Variants in MYH7 observed in about 807,000 individuals in gnomAD.
MYH7 encodes myosin-7.
MYH7 carries 129 observed loss-of-function variants against 225.4 expected under a neutral mutation model. That is an observed-to-expected ratio of 0.57 (90% CI 0.50 to 0.66). The LOEUF (loss-of-function observed/expected upper bound fraction) is 0.66, where lower values mean the gene tolerates loss of function less well. Among genes scored for constraint, MYH7 ranks in the 30% least tolerant of loss-of-function variants. The probability of loss-of-function intolerance (pLI) is 0.00; values close to 1 mark genes in which losing one functional copy is unlikely to be tolerated. For synonymous variants in MYH7, 971 were observed against 1,007.6 expected (o/e 0.96, Z 0.69); for missense variants, 1,649 against 2,517.0 (o/e 0.66, Z 7.38).
chr14:23,414,874 C>A, intron 37 of MYH7, 121 bp downstream of exon 37: 1 of 1,538,598 alleles, frequency 6.5e-7, no homozygotes, highest in Non-Finnish European at 8.9e-7. Flanking sequence ...CAAAGTGAAA[C>A]GGGGGCTGCA....
chr14:23,427,731 T>A lies in MYH7; in HGVS notation c.1742A>T (p.His581Leu). ...GKPEAHFSLI[H>L]YAGIVDYNII... ...GTTGTAGTCCACGATGCCGGCATAG[T>A]GGATCAGGGAGAAGTGGGCTTCAGG... Residue 581 changes from histidine to leucine, a missense_variant, in exon 16 of 40, where the codon CAC becomes CTC. Physicochemically the swap from His to Leu is moderately conservative, Grantham distance 99. Transcript: ENST00000355349. The A allele has an allele frequency of 6.2e-7, 1 of 1,614,162 alleles. No individual in the cohort carries two copies. The highest frequency in any genetic ancestry group is 1.1e-5 in the South Asian group (1 of 91,086).
rs779978846 is a variant in MYH7, at chr14:23,415,773, G to C, written c.5013C>G (p.Ile1671Met). Residue 1671 changes from isoleucine (I) to methionine (M), a missense_variant, in exon 35 of 40, where the codon ATC (isoleucine) becomes ATG (methionine). This residue lies in a region of MYH7 where 687 missense variants were observed against 913.8 expected (regional missense o/e 0.75). Coordinates refer to ENST00000355349, the MANE Select transcript of MYH7 (RefSeq NM_000257.4). This position sits in a 1 kb window ranked among gnomAD's most constrained non-coding sequence, Gnocchi z 6.3. ...GGTTGTTGCGCCGCTCCACGATGGC[G>C]ATGTTCTCCTTCAGGTCGTCGTTGG... Reference protein sequence around the residue: ...VRANDDLKENIAIVERRNNLL... With the variant: ...VRANDDLKENMAIVERRNNLL... 4 of 1,614,102 alleles carry C rather than the reference G, an allele frequency of 2.5e-6. No individual in the cohort carries two copies. In the African/African-American group the frequency reaches 4.0e-5, roughly 16 times the overall value.
At chr14:23,423,400 A>G (rs1892555246) in intron 24 of MYH7, 147 bp downstream of exon 24, 1 of 1,112,526 alleles carries the variant, frequency 9.0e-7, no homozygotes. Flanking sequence ...AAAAGTTAAC[A>G]TCCTCTAACC....
At position 23,433,208 on chromosome 14, in the gene MYH7, T is replaced by C. The variant is rs730880831; in HGVS notation, c.221A>G (p.Asp74Gly). Residue 74 changes from aspartate to glycine, a missense_variant, in exon 4 of 40, where the codon GAC becomes GGC. Around this residue, in one of 12 missense-constraint regions of MYH7, gnomAD observed 91 missense variants for 96.5 expected, o/e 0.94. Transcript: ENST00000355349. This position sits in a 1 kb window ranked among gnomAD's most constrained non-coding sequence, Gnocchi z 4.1. ...EYGKTVTVKE[D>G]QVMQQNPPKF... ...GGGTGGGTTCTGCTGCATCACCTGG[T>C]CCTCCTTCACGGTCACTGTCTGCAA... is the stretch of plus-strand genomic sequence containing the variant. The C allele has an allele frequency of 2.5e-6, 4 of 1,614,014 alleles. No individual in the cohort carries two copies. Among genetic ancestry groups the C allele is most frequent in the Non-Finnish European group, 3.4e-6 (4 of 1,180,042 alleles).
In MYH7 at chr14:23,429,818, C is replaced by A. The variant is rs735711; in HGVS notation, c.1095G>T (p.Lys365Asn). 1 of 1,613,596 alleles carries A rather than the reference C, an allele frequency of 6.2e-7. No individual in the cohort carries two copies. The highest frequency in any genetic ancestry group is 8.5e-7 in the Non-Finnish European group (1 of 1,179,998). ...AIMHFGNMKF[K>N]LKQREEQAEP... ...CCGCCTGCTCCTCCCGCTGCTTCAG[C>A]TTGAACTTCATGTTTCCAAAGTGCA... Residue 365 changes from lysine to asparagine, a missense_variant, in exon 12 of 40, where the codon AAG becomes AAT. Around this residue, in one of 12 missense-constraint regions of MYH7, gnomAD observed 131 missense variants for 231.3 expected, o/e 0.57. Coordinates refer to ENST00000355349, the MANE Select transcript of MYH7 (RefSeq NM_000257.4).
Position 23,431,436 on chromosome 14 carries a change from A to ATATAGACATATC in MYH7, c.777_778insGATATGTCTATA (p.Ala259_Ser260insAspMetSerIle). The ATATAGACATATC allele has an allele frequency of 6.2e-7, 1 of 1,614,194 alleles. No individual in the cohort carries two copies. The highest frequency in any genetic ancestry group is 8.5e-7 in the Non-Finnish European group (1 of 1,180,024). On this transcript the variant is annotated inframe_insertion, in exon 9 of 40. Coordinates refer to ENST00000355349, the MANE Select transcript of MYH7 (RefSeq NM_000257.4). ...CACTCACAGGTCTCTATGTCTGCAG[A>ATATAGACATATC]TGCCAACTTTCCTGTTGCCCCAAAA...
At position 23,416,241 on chromosome 14, in the gene MYH7, G is replaced by A. The variant is rs7140196; in HGVS notation, c.4716C>T (p.Ile1572=). The A allele has an allele frequency of 2.6e-3, 4,207 of 1,613,848 alleles. 122 individuals are homozygous for A. The African/African-American group carries it at 0.049, about 19-fold the overall frequency. Residue 1572 remains isoleucine (I), a synonymous_variant, in exon 34 of 40, where the codon ATC becomes ATT. Transcript: ENST00000355349. The stretch of plus-strand genomic sequence containing the variant: ...CGTCCTTCTCTGCCAGCTTCCGCTC[G>A]ATCTCTGCCTTGATCTGGTTGAACT... The part of the protein sequence containing the change: ...QLEFNQIKAE[I]ERKLAEKDEE...
chr14:23,421,372 C>G (rs1024548417), intron 25 of MYH7, among the ~76,000 whole-genome samples: 1 of 152,160 alleles, frequency 6.6e-6, no homozygotes, highest in Non-Finnish European at 1.5e-5. Context: ...CTCTGATGGT[C>G]TTTAATTTTG....
rs747848184 is a variant in MYH7, at chr14:23,425,749, C to A, written c.2232G>T (p.Lys744Asn). 6.2e-7 allele frequency: 1 copy of A among 1,614,036 alleles called. No homozygotes were observed. The highest frequency in any genetic ancestry group is 1.7e-4 in the Middle Eastern group (1 of 6,056). Residue 744 changes from lysine to asparagine, a missense_variant, in exon 20 of 40, where the codon AAG becomes AAT. Transcript: ENST00000355349. The surrounding 1 kb of genome is among the most constrained non-coding windows in gnomAD (Gnocchi z 4.6). ...GATCAATGTCCAGGGAGCTGAGCAG[C>A]TTCTCTGCCCCCTTCCTGCTATCAA... ...QFIDSRKGAEKLLSSLDIDHN... is the reference protein window; with the variant it reads ...QFIDSRKGAENLLSSLDIDHN...
rs759194141 is a variant in MYH7 at position 23,415,540 on chromosome 14, A to G, written c.5158-34T>C. ...GGGGAGGGTTGGGCAGAGCAGGAAA[A>G]GCATTGAGCATCTATGCATAGCTCT... On this transcript the variant is annotated intron_variant, in intron 35 of 39. Transcript: ENST00000355349. The surrounding 1 kb of genome is among the most constrained non-coding windows in gnomAD (Gnocchi z 6.3). 19 of 1,614,090 alleles carry G rather than the reference A, an allele frequency of 1.2e-5. No homozygotes were observed. The highest frequency in any genetic ancestry group is 1.6e-5 in the Non-Finnish European group (19 of 1,180,024).
chr14:23,432,562 G>C, intron 5 of MYH7, 56 bp from the exon 6 acceptor site: 1 of 1,614,102 alleles, frequency 6.2e-7, no homozygotes, highest in Non-Finnish European at 8.5e-7. Flanking sequence ...GCTCTCGTGG[G>C]GCTTCTCCCT....
intron 25 of MYH7, chr14:23,421,767 C>A (rs1050711431): frequency 7.1e-6 from 7 of 985,344 alleles, no homozygotes; most frequent in Non-Finnish European, 7.2e-6. Context: ...GATCCCCTGA[C>A]TTCTTTAATG....
chr14:23,415,711 A>T lies in MYH7; in HGVS notation c.5075T>A (p.Val1692Glu), dbSNP rs1892169416. The part of the protein sequence containing the change: ...QAELEELRAV[V>E]EQTERSRKLA... ...CTTCCGGGACCGCTCTGTCTGCTCC[A>T]CCACGGCACGCAACTCCTCCAGCTC... Residue 1692 changes from valine to glutamate, a missense_variant, in exon 35 of 40, where the codon GTG becomes GAG. Physicochemically the swap from Val to Glu is moderately radical, Grantham distance 121. This residue lies in a region of MYH7 where 687 missense variants were observed against 913.8 expected (regional missense o/e 0.75). Coordinates refer to ENST00000355349, the MANE Select transcript of MYH7 (RefSeq NM_000257.4). This position sits in a 1 kb window ranked among gnomAD's most constrained non-coding sequence, Gnocchi z 6.3. 1 of 1,614,082 alleles carries T rather than the reference A, an allele frequency of 6.2e-7. No individual in the cohort carries two copies.
In MYH7 at chr14:23,424,160, G is replaced by T. The variant is rs1166710990; in HGVS notation, c.2680-11C>A. On this transcript the variant is annotated splice_polypyrimidine_tract_variant and intron_variant, in intron 22 of 39. Coordinates refer to ENST00000355349, the MANE Select transcript of MYH7 (RefSeq NM_000257.4). Reference sequence around the variant, plus strand: ...CAGGTTGTCTTGTTCCTGAAGGTGAGGAACAGAGGGGAGGCTGTTCAGGGG... The same window carrying T: ...CAGGTTGTCTTGTTCCTGAAGGTGATGAACAGAGGGGAGGCTGTTCAGGGG... 6.2e-7 allele frequency: 1 copy of T among 1,614,090 alleles called. No individual in the cohort carries two copies. The highest frequency in any genetic ancestry group is 1.7e-5 in the Admixed American group (1 of 60,022).
intron 29 of MYH7, 38 bp from the exon 30 acceptor site, chr14:23,418,444 T>G: frequency 6.4e-7 from 1 of 1,573,908 alleles, no homozygotes; most frequent in Non-Finnish European, 8.6e-7. Flanking sequence ...GGTTCAGCTT[T>G]CTCCATAAAG....
chr14:23,420,393 C>A (rs1233507186), intron 26 of MYH7, among the ~76,000 whole-genome samples, 159 bp from the exon 27 acceptor site: 1 of 152,188 alleles, frequency 6.6e-6, no homozygotes, highest in African/African-American at 2.4e-5. Flanking sequence ...GTTTGAAGAG[C>A]CTTCCTTTAG....
rs2138666900 is a variant in MYH7 at position 23,425,293 on chromosome 14, C to A, written c.2412G>T (p.Leu804=). The A allele has an allele frequency of 1.2e-6, 2 of 1,614,198 alleles. No homozygotes were observed. Among genetic ancestry groups the A allele is most frequent in the Non-Finnish European group, 1.7e-6 (2 of 1,180,044 alleles). The change falls in exon 21 of 40, where the codon CTG becomes CTT. Residue 804 remains leucine (L), a synonymous_variant. Transcript: ENST00000355349. The surrounding 1 kb of genome is among the most constrained non-coding windows in gnomAD (Gnocchi z 4.6). ...GVLARMEYKK[L]LERRDSLLVI... The stretch of plus-strand genomic sequence containing the variant: ...TTGAGATCTCTCACCTACGTTCCAG[C>A]AGCTTTTTGTACTCCATTCTGGCGA...
In MYH7 at chr14:23,417,701, GT is replaced by G. The variant is rs1892283029; in HGVS notation, c.4170-16del. 6.2e-7 allele frequency: 1 copy of G among 1,612,024 alleles called. No individual in the cohort carries two copies. Among genetic ancestry groups the G allele is most frequent in the African/African-American group, 1.3e-5 (1 of 74,888 alleles). ...CCAGCTTCTTCCTGCCCAGGGGAGG[GT>G]GGCAGAGGGTGGGGAGGATGGAGGG... On this transcript the variant is annotated splice_polypyrimidine_tract_variant and intron_variant, in intron 30 of 39. Coordinates refer to ENST00000355349, the MANE Select transcript of MYH7 (RefSeq NM_000257.4).
intron 15 of MYH7, among the ~76,000 whole-genome samples, chr14:23,428,112 C>T (rs909719979): frequency 1.1e-4 from 16 of 152,288 alleles, no homozygotes; most frequent in African/African-American, 3.1e-4. Flanking sequence ...AATATGGATT[C>T]TATCGATGCT....
Sources: gnomAD v4.1 joint callset for allele counts (sites outside exome capture counted in the v4.1 genomes callset) on GRCh38, gnomAD v4.1.1 for gene constraint, gnomAD v4.1.1 regional missense constraint, Gnocchi (gnomAD v3.1) non-coding constraint, MANE v1.5 for transcripts, NCBI Gene and HGNC (gene_info 2026-07-23, HGNC 2026-07-21) for gene names.